Variants in STRBP observed in about 807,000 individuals in gnomAD.
The protein encoded by STRBP is spermatid perinuclear RNA-binding protein.
STRBP carries 13 observed loss-of-function variants against 80.1 expected under a neutral mutation model. The observed-to-expected ratio is 0.16, with a 90% confidence interval of 0.11 to 0.26. STRBP has a LOEUF of 0.26. Among genes scored for constraint, STRBP ranks in the 10% least tolerant of loss-of-function variants. The pLI, the probability that STRBP is intolerant of heterozygous loss-of-function variation, is 1.00. For missense variants in STRBP, 485 were observed against 815.2 expected (o/e 0.59, Z 4.93); for synonymous variants, 284 against 291.2 (o/e 0.98, Z 0.25).
chr9:123,222,869 G>C (rs1042622329), intron 2 of STRBP, among the ~76,000 whole-genome samples: 1 of 151,920 alleles, frequency 6.6e-6, no homozygotes, highest in African/African-American at 2.4e-5. Context: ...TTACCCAGTT[G>C]ACCTGCACAG....
intron 6 of STRBP, among the ~76,000 whole-genome samples, chr9:123,165,155 C>A (rs530112176): frequency 1.3e-5 from 2 of 151,970 alleles, no homozygotes; most frequent in Admixed American, 1.3e-4. Flanking sequence ...GTGGCCAGTG[C>A]CTGCAGTCCC....
At position 123,178,570 on chromosome 9, in the gene STRBP, C is replaced by T. The variant is rs114484697; in HGVS notation, c.224+437G>A. 3.9e-3 allele frequency among the ~76,000 whole-genome samples: 586 copies of T among 152,010 alleles called. 4 individuals are homozygous for T. Among genetic ancestry groups the T allele is most frequent in the African/African-American group, 0.013 (528 of 41,502 alleles). ...TGGGAATCAGTGAGGTAGATACAGT[C>T]AAAAATACCTTTAAAATACATTTTC... On this transcript the variant is annotated intron_variant, in intron 4 of 18. Transcript: ENST00000348403.
chr9:123,160,257 C>T (rs761505321), intron 8 of STRBP, 110 bp downstream of exon 8: 20 of 608,220 alleles, frequency 3.3e-5, no homozygotes, highest in Non-Finnish European at 5.2e-5. Context: ...ATACATAATG[C>T]ATGCCTTAGC....
chr9:123,220,422 A>T (rs1292630673), intron 2 of STRBP, among the ~76,000 whole-genome samples: 4 of 152,368 alleles, frequency 2.6e-5, no homozygotes, highest in African/African-American at 9.6e-5. Flanking sequence ...ATCTAAATGT[A>T]TCCACACACA....
chr9:123,223,616 C>G (rs559446102), intron 2 of STRBP, among the ~76,000 whole-genome samples: 2 of 152,098 alleles, frequency 1.3e-5, no homozygotes, highest in African/African-American at 2.4e-5. Context: ...CAGGTAATAT[C>G]TAGACATTAT....
At chr9:123,213,381 G>A (rs932965604) in intron 2 of STRBP, among the ~76,000 whole-genome samples, 1 of 152,198 alleles carries the variant, frequency 6.6e-6, no homozygotes, top group East Asian at 1.9e-4. Context: ...TTCGAAACTT[G>A]ATAACTTTAT....
intron 2 of STRBP, among the ~76,000 whole-genome samples, chr9:123,217,562 C>T (rs1031418874): frequency 6.6e-6 from 1 of 152,126 alleles, no homozygotes; most frequent in Non-Finnish European, 1.5e-5. Context: ...TTACTTCCTC[C>T]GAAATTAAAA....
downstream of STRBP, among the ~76,000 whole-genome samples, chr9:123,117,550 G>A (rs1483035315): frequency 6.9e-6 from 1 of 145,376 alleles, no homozygotes; most frequent in Non-Finnish European, 1.5e-5. Flanking sequence ...CTCCAGGCTG[G>A]CAGTCTGCCC....
intron 13 of STRBP, among the ~76,000 whole-genome samples, chr9:123,143,812 A>G: frequency 6.6e-6 from 1 of 152,254 alleles, no homozygotes; most frequent in East Asian, 1.9e-4. Flanking sequence ...ACTGTAACAG[A>G]CCATCTGCTA....
At chr9:123,198,429 C>T (rs767968526) in intron 2 of STRBP, among the ~76,000 whole-genome samples, 3 of 152,034 alleles carry the variant, frequency 2.0e-5, no homozygotes, top group African/African-American at 7.2e-5. Context: ...TGAGCCACGG[C>T]GCCCGGCCTT....
rs2036352849 is a variant in STRBP at position 123,136,342 on chromosome 9, G to C, written c.1632+39C>G. The C allele has an allele frequency of 1.2e-6, 2 of 1,610,374 alleles. No homozygotes were observed. Among genetic ancestry groups the C allele is most frequent in the East Asian group, 4.5e-5 (2 of 44,850 alleles). ...TAAGTTCAGGATATCCTATGTCTTT[G>C]AGAAGAAAGATAAGGCTGGCTTGTG... On this transcript the variant is annotated intron_variant, in intron 15 of 18. Coordinates refer to ENST00000348403, the MANE Select transcript of STRBP (RefSeq NM_018387.5). This position sits in a 1 kb window ranked among gnomAD's most constrained non-coding sequence, Gnocchi z 4.2.
In STRBP at chr9:123,231,436, CAT is replaced by C. The variant is rs552800983; in HGVS notation, c.-165+5392_-165+5393del. Among the ~76,000 whole-genome samples, 13 of 152,238 alleles carry C rather than the reference CAT, an allele frequency of 8.5e-5. No individual in the cohort carries two copies. The East Asian group carries it at 2.5e-3, about 29-fold the overall frequency. On this transcript the variant is annotated intron_variant, in intron 2 of 18. Transcript: ENST00000348403. Reference sequence around the variant, plus strand: ...CTTACAGATGGAAAAATGCATAAAACATATAAGCGCAATTTAATAATCCTTAA... The same window carrying C: ...CTTACAGATGGAAAAATGCATAAAACATAAGCGCAATTTAATAATCCTTAA...
At chr9:123,159,807 G>A (rs2037446933) in intron 8 of STRBP, among the ~76,000 whole-genome samples, 1 of 152,120 alleles carries the variant, frequency 6.6e-6, no homozygotes, top group Non-Finnish European at 1.5e-5. Flanking sequence ...CTTGATTGGA[G>A]CAGGCATAAT....
chr9:123,192,582 C>G (rs182933670), intron 2 of STRBP, among the ~76,000 whole-genome samples: 1 of 151,998 alleles, frequency 6.6e-6, no homozygotes, highest in Non-Finnish European at 1.5e-5. Flanking sequence ...ATACAGAGAC[C>G]CCCATCTCAA....
At chr9:123,228,302 G>A (rs2132572429) in intron 2 of STRBP, among the ~76,000 whole-genome samples, 1 of 152,342 alleles carries the variant, frequency 6.6e-6, no homozygotes. Flanking sequence ...AGAGATCTAG[G>A]TTAGAGATAT....
intron 8 of STRBP, 108 bp downstream of exon 8, chr9:123,160,259 T>A: frequency 3.2e-6 from 2 of 629,558 alleles, no homozygotes; most frequent in Non-Finnish European, 5.0e-6. Context: ...ACATAATGCA[T>A]GCCTTAGCTA....
intron 1 of STRBP, among the ~76,000 whole-genome samples, chr9:123,243,472 T>C (rs2040740260): frequency 6.6e-6 from 1 of 152,168 alleles, no homozygotes; most frequent in Non-Finnish European, 1.5e-5. Flanking sequence ...TAAACTAGAC[T>C]TGGTCAAAAT....
At chr9:123,239,150 C>A (rs1238605440) in intron 1 of STRBP, among the ~76,000 whole-genome samples, 1 of 152,094 alleles carries the variant, frequency 6.6e-6, no homozygotes, top group African/African-American at 2.4e-5. Context: ...CTGAGGCAGG[C>A]GGATCATGAG....
intron 3 of STRBP, among the ~76,000 whole-genome samples, chr9:123,179,448 G>A (rs931856298): frequency 6.6e-6 from 1 of 152,082 alleles, no homozygotes; most frequent in Non-Finnish European, 1.5e-5. Flanking sequence ...TTTTGGTAAG[G>A]TTCACTTCAG....
Sources: allele counts gnomAD v4.1 joint callset (sites outside exome capture counted in the v4.1 genomes callset), GRCh38; gene constraint gnomAD v4.1.1; non-coding constraint Gnocchi (gnomAD v3.1); transcripts MANE v1.5; gene names NCBI Gene and HGNC (gene_info 2026-07-23, HGNC 2026-07-21).